MTRFR: variants seen among roughly 807,000 people sequenced by gnomAD.
MTRFR encodes probable peptide chain release factor C12orf65, mitochondrial.
MTRFR carries 10 observed loss-of-function variants against 11.9 expected under a neutral mutation model. The observed-to-expected ratio is 0.84, with a 90% CI of 0.52 to 1.42. The LOEUF is 1.42. Among genes scored for constraint, MTRFR ranks in the 40% most tolerant of loss-of-function variants. The pLI, the probability that MTRFR is intolerant of heterozygous loss-of-function variation, is 0.00. For synonymous variants in MTRFR, 77 were observed against 79.1 expected (o/e 0.97, Z 0.14); for missense variants, 196 against 197.9 (o/e 0.99, Z 0.06).
At chr12:123,251,798 A>G (rs2337632) in intron 1 of MTRFR, among the ~76,000 whole-genome samples, 89,666 of 151,970 alleles carry the variant, frequency 0.59, 27,176 homozygotes, top group East Asian at 0.89. Flanking sequence ...TCACAATGCA[A>G]GCCTCTGCAT....
intron 1 of MTRFR, among the ~76,000 whole-genome samples, chr12:123,237,967 C>T (rs1213643057): frequency 6.6e-6 from 1 of 151,750 alleles, no homozygotes; most frequent in East Asian, 1.9e-4. Flanking sequence ...GTGACCTCAG[C>T]CCACTGCAAC....
At chr12:123,238,788 T>C (rs1016883377) in intron 1 of MTRFR, among the ~76,000 whole-genome samples, 2 of 152,130 alleles carry the variant, frequency 1.3e-5, no homozygotes, top group East Asian at 3.8e-4. Flanking sequence ...GAAATCTTCA[T>C]TCCTAACCAT....
At chr12:123,245,157 C>T (rs998123499) in intron 1 of MTRFR, among the ~76,000 whole-genome samples, 7 of 151,814 alleles carry the variant, frequency 4.6e-5, no homozygotes, top group African/African-American at 1.5e-4. Flanking sequence ...ACCATGGTCT[C>T]GATCTCCTGA....
intron 1 of MTRFR, among the ~76,000 whole-genome samples, chr12:123,253,069 A>ATTTTTTTTTTTTTT (rs1565997436): frequency 2.3e-5 from 1 of 42,818 alleles, no homozygotes; most frequent in South Asian, 8.0e-4. Flanking sequence ...CGTTCCTTTG[A>ATTTTTTTTTTTTTT]ATTTTTTTTT....
chr12:123,249,793 G>A (rs2048091684), intron 1 of MTRFR: 1 of 152,388 alleles, frequency 6.6e-6, no homozygotes, highest in African/African-American at 2.4e-5. Flanking sequence ...GGCGCCGAGA[G>A]CGAGTGAGGG....
At chr12:123,256,696 C>CAATA (rs1012635242) in intron 2 of MTRFR, 117 bp from the exon 3 acceptor site, 5 of 848,394 alleles carry the variant, frequency 5.9e-6, no homozygotes, top group East Asian at 2.7e-5. Flanking sequence ...AACTCTGTCT[C>CAATA]AATAAATAAA....
At chr12:123,251,414 G>A (rs1355838034) in intron 1 of MTRFR, 1 of 152,250 alleles carries the variant, frequency 6.6e-6, no homozygotes, top group Non-Finnish European at 1.5e-5. Flanking sequence ...TCTCCCTGTG[G>A]AGTTTTATCC....
chr12:123,253,166 C>T (rs923776133), intron 1 of MTRFR, among the ~76,000 whole-genome samples: 4 of 135,798 alleles, frequency 2.9e-5, no homozygotes, highest in African/African-American at 5.6e-5. Context: ...CTCAGCCTCC[C>T]GAGTAGCTGG....
At chr12:123,245,010 C>G (rs2048017658) in intron 1 of MTRFR, among the ~76,000 whole-genome samples, 1 of 140,668 alleles carries the variant, frequency 7.1e-6, no homozygotes, top group African/African-American at 2.7e-5. Flanking sequence ...GCAAGCTGCA[C>G]CATCTCAGCT....
At chr12:123,241,356 A>T (rs544335337) in intron 1 of MTRFR, among the ~76,000 whole-genome samples, 37 of 151,788 alleles carry the variant, frequency 2.4e-4, no homozygotes, top group Non-Finnish European at 5.2e-4. Context: ...TTTGAGACAG[A>T]GTCTCGCTCC....
rs1565997436 is a variant in MTRFR at position 123,253,069 on chromosome 12, A to ATTTT, written c.-28-578_-28-577insTTTT. 3.0e-4 allele frequency among the ~76,000 whole-genome samples: 13 copies of ATTTT among 42,818 alleles called. No individual in the cohort carries two copies. In the South Asian group the frequency reaches 4.0e-3, roughly 13 times the overall value. The allele number at this position is 42,818 out of a possible 152,430, so 28.1% of individuals were successfully genotyped here. ...TATCAAATTACAGTCCGTTCCTTTG[A>ATTTT]ATTTTTTTTTTTTTTTTTTTTTTTT... On this transcript the variant is annotated intron_variant, in intron 1 of 2. Coordinates refer to ENST00000253233, the MANE Select transcript of MTRFR (RefSeq NM_152269.5).
rs1041448269 is a variant in MTRFR, at chr12:123,257,069, G to A, written c.*38G>A. 3 of 1,505,640 alleles carry A rather than the reference G, an allele frequency of 2.0e-6. No homozygotes were observed. The highest frequency in any genetic ancestry group is 2.8e-6 in the Non-Finnish European group (3 of 1,085,224). 93.3% of individuals were successfully genotyped at this position (1,505,640 alleles called of 1,614,324 possible). A position where few individuals can be genotyped will look rare whatever the true frequency, so the allele number is the denominator to read the frequency against. On this transcript the variant is annotated 3_prime_UTR_variant, in exon 3 of 3. Transcript: ENST00000253233. ...AGATTCCAACTGACAGAATCTGCCAGAAGCTCCCAGGGAATAATGGTGGCG... is the reference window on the plus strand; with the variant it reads ...AGATTCCAACTGACAGAATCTGCCAAAAGCTCCCAGGGAATAATGGTGGCG...
At position 123,257,158 on chromosome 12, in the gene MTRFR, AC is replaced by A; in HGVS notation, c.*128del. 1 of 803,554 alleles carries A rather than the reference AC, an allele frequency of 1.2e-6. No homozygotes were observed. Among genetic ancestry groups the A allele is most frequent in the South Asian group, 1.5e-5 (1 of 65,930 alleles). The allele number at this position is 803,554 out of a possible 1,614,324, so 49.8% of individuals were successfully genotyped here. On this transcript the variant is annotated 3_prime_UTR_variant, in exon 3 of 3. Coordinates refer to ENST00000253233, the MANE Select transcript of MTRFR (RefSeq NM_152269.5). ...ATATTTTTGATGAACTTAAAAGACA[AC>A]AAATTTATTTAAATGGTGCACTAAA...
chr12:123,241,628 C>A (rs184603538), intron 1 of MTRFR, among the ~76,000 whole-genome samples: 79 of 152,272 alleles, frequency 5.2e-4, no homozygotes, highest in African/African-American at 1.8e-3. Context: ...GCACGAACCA[C>A]CATGCCCAGC....
In MTRFR at chr12:123,242,731, A is replaced by G. The variant is rs145010837; in HGVS notation, c.-29+9200A>G. On this transcript the variant is annotated intron_variant, in intron 1 of 2. Coordinates refer to ENST00000253233, the MANE Select transcript of MTRFR (RefSeq NM_152269.5). ...AGAAAGGTAGAGATTCAAACAGTGG[A>G]CTGGTGACAAAGCAGCTGATAAAAG... Among the ~76,000 whole-genome samples, 56 of 152,302 alleles carry G rather than the reference A, an allele frequency of 3.7e-4. 1 individual carries two copies. The highest frequency in any genetic ancestry group is 1.3e-3 in the African/African-American group (52 of 41,572).
rs533039082 is a variant in MTRFR, at chr12:123,246,614, C to T, written c.-28-7033C>T. 7.3e-5 allele frequency among the ~76,000 whole-genome samples: 11 copies of T among 151,724 alleles called. No individual in the cohort carries two copies. In the East Asian group the frequency reaches 1.9e-3, roughly 27 times the overall value. On this transcript the variant is annotated intron_variant, in intron 1 of 2. Coordinates refer to ENST00000253233, the MANE Select transcript of MTRFR (RefSeq NM_152269.5). ...GATTACAGGCACCTGGCACTACACCCAGCTAATTTATTTGTATGGTTTTGA... is the reference window on the plus strand; with the variant it reads ...GATTACAGGCACCTGGCACTACACCTAGCTAATTTATTTGTATGGTTTTGA...
chr12:123,235,474 C>T (rs1027502418), intron 1 of MTRFR, among the ~76,000 whole-genome samples: 11 of 151,972 alleles, frequency 7.2e-5, no homozygotes, highest in Non-Finnish European at 1.0e-4. Context: ...ACGCCATTCT[C>T]CTGCCTTAGC....
chr12:123,236,437 T>C (rs2047851544), intron 1 of MTRFR, among the ~76,000 whole-genome samples: 1 of 151,670 alleles, frequency 6.6e-6, no homozygotes, highest in South Asian at 2.1e-4. Context: ...CTACAAAAAA[T>C]TAAAAACTAG....
chr12:123,236,962 G>A (rs1186636341), intron 1 of MTRFR, among the ~76,000 whole-genome samples: 1 of 152,150 alleles, frequency 6.6e-6, no homozygotes, highest in East Asian at 1.9e-4. Flanking sequence ...GCATGCGCCT[G>A]TAGTCCCAGC....
Sources: gnomAD v4.1 joint callset for allele counts (sites outside exome capture counted in the v4.1 genomes callset) on GRCh38, gnomAD v4.1.1 for gene constraint, MANE v1.5 for transcripts, NCBI Gene and HGNC (gene_info 2026-07-23, HGNC 2026-07-21) for gene names.